RYR1: variants seen among roughly 807,000 people sequenced by gnomAD.
RYR1 encodes ryanodine receptor 1.
In RYR1, 342 loss-of-function variants were observed where a neutral mutation model predicts 583.5. The ratio of observed to expected loss-of-function variants is 0.59; its 90% CI spans 0.54 to 0.64. The LOEUF is 0.64. Ranked by LOEUF, RYR1 falls within the 30% of genes least tolerant of loss-of-function variation. RYR1 has a pLI of 0.00. For missense variants in RYR1, 6,032 were observed against 6,917.2 expected (o/e 0.87, Z 4.54); for synonymous variants, 2,791 against 2,822.5 (o/e 0.99, Z 0.35).
rs201046737 is a variant in RYR1, at chr19:38,444,699, C to T, written c.631+22C>T. ...GAGGGTGAGGGCCCCAGACCTCCCC[C>T]TAAATGGAGATCCCCCCAAAACAGA... On this transcript the variant is annotated intron_variant, in intron 7 of 105. Coordinates refer to ENST00000359596, the MANE Select transcript of RYR1 (RefSeq NM_000540.3). This position sits in a 1 kb window ranked among gnomAD's most constrained non-coding sequence, Gnocchi z 5.1. 1 of 1,553,532 alleles carries T rather than the reference C, an allele frequency of 6.4e-7. No homozygotes were observed. The highest frequency in any genetic ancestry group is 2.3e-5 in the East Asian group (1 of 43,072).
rs1425983637 is a variant in RYR1 at position 38,502,903 on chromosome 19, A to C, written c.7859A>C (p.Gln2620Pro). 5 of 1,611,784 alleles carry C rather than the reference A, an allele frequency of 3.1e-6. No individual in the cohort carries two copies. The highest frequency in any genetic ancestry group is 4.2e-6 in the Non-Finnish European group (5 of 1,179,980). The change falls in exon 49 of 106, where the codon CAG (glutamine) becomes CCG (proline). Residue 2620 changes from glutamine (Q) to proline (P), a missense_variant. This residue lies in a region of RYR1 where 250 missense variants were observed against 162.3 expected (regional missense o/e 1.54). Coordinates refer to ENST00000359596, the MANE Select transcript of RYR1 (RefSeq NM_000540.3). ...AGGTACATCCGCCCGTCGATGCTGC[A>C]GCACCTGTTGCGCCGCCTGGTGTTC... Reference protein sequence around the residue: ...LCRYIRPSMLQHLLRRLVFDV... With the variant: ...LCRYIRPSMLPHLLRRLVFDV...
At position 38,528,968 on chromosome 19, in the gene RYR1, G is replaced by C. The variant is rs1241239625; in HGVS notation, c.11052G>C (p.Glu3684Asp). 3 of 1,610,436 alleles carry C rather than the reference G, an allele frequency of 1.9e-6. No individual in the cohort carries two copies. The highest frequency in any genetic ancestry group is 2.5e-6 in the Non-Finnish European group (3 of 1,178,360). ...CCCACCAGAAAGCTGGGGAGCAGGA[G>C]GAGGAGGAGGAAGAGGTGGAAGAGA... The part of the protein sequence containing the change: ...IDDLSKAGEQ[E>D]EEEEEVEEKK... Residue 3684 changes from glutamate (E) to aspartate (D), a missense_variant, in exon 76 of 106, where the codon GAG becomes GAC. Physicochemically the swap from Glu to Asp is conservative, Grantham distance 45 (BLOSUM62 2). Around this residue, in one of 11 missense-constraint regions of RYR1, gnomAD observed 1,493 missense variants for 1,715.5 expected, o/e 0.87. Transcript: ENST00000359596.
At chr19:38,557,051 CTTTTTTTTT>C (rs35027525) in intron 89 of RYR1, among the ~76,000 whole-genome samples, 2 of 108,836 alleles carry the variant, frequency 1.8e-5, no homozygotes, top group East Asian at 2.7e-4. Context: ...AGTCTCATTT[CTTTTTTTTT>C]TTTTTTTTTT....
At chr19:38,541,440 G>A (rs2145767643) in intron 84 of RYR1, among the ~76,000 whole-genome samples, 1 of 152,370 alleles carries the variant, frequency 6.6e-6, no homozygotes, top group African/African-American at 2.4e-5. Context: ...CCTCGGCTGG[G>A]TGTGGTGGCT....
chr19:38,569,096 T>C (rs888870693), intron 93 of RYR1, among the ~76,000 whole-genome samples: 4 of 151,982 alleles, frequency 2.6e-5, no homozygotes, highest in Non-Finnish European at 5.9e-5. Context: ...CTGCAAGCTC[T>C]GACTCCTGGG....
At chr19:38,451,997 C>T in intron 12 of RYR1, 112 bp downstream of exon 12, 2 of 1,470,760 alleles carry the variant, frequency 1.4e-6, no homozygotes, top group Non-Finnish European at 1.9e-6. Flanking sequence ...CCTTGTCTAA[C>T]ATATACATGG....
chr19:38,546,973 A>G (rs917243862), intron 88 of RYR1, among the ~76,000 whole-genome samples: 1 of 150,720 alleles, frequency 6.6e-6, no homozygotes, highest in Non-Finnish European at 1.5e-5. Flanking sequence ...CCCCAAAAAC[A>G]AACCAAATGT....
chr19:38,475,293 AT>A (rs1457145358), intron 28 of RYR1, 24 bp from the exon 29 acceptor site: 1 of 1,557,996 alleles, frequency 6.4e-7, no homozygotes, highest in African/African-American at 1.4e-5. Context: ...GCTGGCTCTC[AT>A]GGCGCCTCTC....
In RYR1 at chr19:38,463,534, G is replaced by A. The variant is rs201498416; in HGVS notation, c.2682+7G>A. 5.4e-4 allele frequency: 870 copies of A among 1,611,094 alleles called. 10 individuals are homozygous for A. The highest frequency in any genetic ancestry group is 6.6e-4 in the Middle Eastern group (4 of 6,060). ...GGGCTGGACCTACGGCCCGGTGAGG[G>A]GCTGCCTGCAGCCTGCGGGAGGCCG... On this transcript the variant is annotated splice_region_variant and intron_variant, in intron 21 of 105. Transcript: ENST00000359596.
At position 38,517,582 on chromosome 19, in the gene RYR1, C is replaced by T. The variant is rs1458725353; in HGVS notation, c.9909C>T (p.Pro3303=). The part of the protein sequence containing the change: ...PSALPAGAPP[P]CTAVTSDHLN... ...CCCTGCCCGCCGGCGCCCCCCCACCCTGCACAGCTGTCACCTCTGACCACC... is the reference window on the plus strand; with the variant it reads ...CCCTGCCCGCCGGCGCCCCCCCACCTTGCACAGCTGTCACCTCTGACCACC... Residue 3303 remains proline, a synonymous_variant, in exon 66 of 106, where the codon CCC becomes CCT. Coordinates refer to ENST00000359596, the MANE Select transcript of RYR1 (RefSeq NM_000540.3). 1 of 1,614,132 alleles carries T rather than the reference C, an allele frequency of 6.2e-7. No homozygotes were observed. The highest frequency in any genetic ancestry group is 1.7e-5 in the Admixed American group (1 of 60,026).
chr19:38,446,093 A>G (rs183768036), intron 7 of RYR1, among the ~76,000 whole-genome samples: 25 of 152,218 alleles, frequency 1.6e-4, no homozygotes, highest in Admixed American at 1.3e-3. Context: ...CCAGAGGCCA[A>G]ACCTCAACCC....
Position 38,506,385 on chromosome 19 carries a change from C to T in RYR1, c.8616+8C>T, listed in dbSNP as rs1186150239. 6.2e-7 allele frequency: 1 copy of T among 1,613,646 alleles called. No individual in the cohort carries two copies. Among genetic ancestry groups the T allele is most frequent in the Non-Finnish European group, 8.5e-7 (1 of 1,179,752 alleles). ...CTGTCCCGGGAGCTGCAGGTGAGAG[C>T]CCTGATCCTTTTGGGGGGACATAGG... On this transcript the variant is annotated splice_region_variant and intron_variant, in intron 55 of 105. Coordinates refer to ENST00000359596, the MANE Select transcript of RYR1 (RefSeq NM_000540.3).
At position 38,452,802 on chromosome 19, in the gene RYR1, C is replaced by A; in HGVS notation, c.1245-17C>A. 6.4e-7 allele frequency: 1 copy of A among 1,565,164 alleles called. No homozygotes were observed. The highest frequency in any genetic ancestry group is 8.7e-7 in the Non-Finnish European group (1 of 1,154,838). ...TAGCGCTCCCAGCCGTGGCTGACAG[C>A]TGCGAGGTCCCTGTAGGAGCCTGGA... On this transcript the variant is annotated splice_polypyrimidine_tract_variant and intron_variant, in intron 12 of 105. Transcript: ENST00000359596.
In RYR1 at chr19:38,483,278, C is replaced by T; in HGVS notation, c.4708-12C>T. 6.4e-7 allele frequency: 1 copy of T among 1,561,496 alleles called. No individual in the cohort carries two copies. The highest frequency in any genetic ancestry group is 8.7e-7 in the Non-Finnish European group (1 of 1,153,094). On this transcript the variant is annotated splice_polypyrimidine_tract_variant and intron_variant, in intron 32 of 105. Transcript: ENST00000359596. This position sits in a 1 kb window ranked among gnomAD's most constrained non-coding sequence, Gnocchi z 6.3. ...TGGCCATCTTGACCCATGTGTGTCTCTCTGCCCTCAGAACATCATGCCGTT... is the reference window on the plus strand; with the variant it reads ...TGGCCATCTTGACCCATGTGTGTCTTTCTGCCCTCAGAACATCATGCCGTT...
chr19:38,528,547 G>A (rs1600935274), intron 74 of RYR1, 52 bp from the exon 75 acceptor site: 2 of 1,606,144 alleles, frequency 1.2e-6, no homozygotes, highest in East Asian at 2.2e-5. Flanking sequence ...ATGGGAGGTC[G>A]GGAAGCACGG....
At chr19:38,455,830 C>A in intron 16 of RYR1, 79 bp downstream of exon 16, 2 of 881,968 alleles carry the variant, frequency 2.3e-6, no homozygotes, top group Non-Finnish European at 1.9e-6. Context: ...ACTCTGCTCA[C>A]TCCCTCACTT....
chr19:38,508,489 G>A (rs1251593756), intron 58 of RYR1, among the ~76,000 whole-genome samples: 1 of 152,198 alleles, frequency 6.6e-6, no homozygotes, highest in Non-Finnish European at 1.5e-5. Flanking sequence ...GGGATTAAAG[G>A]CGTGAGCCAC....
chr19:38,468,044 TCCATCATCCATC>T lies in RYR1; in HGVS notation c.3381+234_3381+245del, dbSNP rs553982540. Among the ~76,000 whole-genome samples the T allele has an allele frequency of 0.56, 76,773 of 136,984 alleles. 21,596 individuals are homozygous for T. The highest frequency in any genetic ancestry group is 0.65 in the Middle Eastern group (176 of 270). 89.9% of individuals were successfully genotyped at this position (136,984 alleles called of 152,430 possible). A position where few individuals can be genotyped will look rare whatever the true frequency, so the allele number is the denominator to read the frequency against. ...AACAATTCATCCATCCATCCATCCA[TCCATCATCCATC>T]CATCCATCCATCCATCCATCCATCC... On this transcript the variant is annotated intron_variant, in intron 25 of 105. Coordinates refer to ENST00000359596, the MANE Select transcript of RYR1 (RefSeq NM_000540.3).
chr19:38,443,170 A>C (rs1035844634), intron 3 of RYR1, among the ~76,000 whole-genome samples: 1 of 152,188 alleles, frequency 6.6e-6, no homozygotes, highest in African/African-American at 2.4e-5. Flanking sequence ...GCAGCGCAGC[A>C]TGATGGGGGA....
Sources: gnomAD v4.1 joint callset for allele counts (sites outside exome capture counted in the v4.1 genomes callset) on GRCh38, gnomAD v4.1.1 for gene constraint, gnomAD v4.1.1 regional missense constraint, Gnocchi (gnomAD v3.1) non-coding constraint, MANE v1.5 for transcripts, NCBI Gene and HGNC (gene_info 2026-07-23, HGNC 2026-07-21) for gene names.